Variants in CTNNBL1 observed in about 807,000 individuals in gnomAD.
The protein encoded by CTNNBL1 is catenin beta like 1.
CTNNBL1 carries 31 observed loss-of-function variants against 72.7 expected under a neutral mutation model. That is an observed-to-expected ratio of 0.43 (90% CI 0.32 to 0.58). The LOEUF (loss-of-function observed/expected upper bound fraction) is 0.58. Among genes scored for constraint, CTNNBL1 ranks in the 20% least tolerant of loss-of-function variants. The probability of loss-of-function intolerance (pLI) is 0.08; values close to 1 mark genes in which losing one functional copy is unlikely to be tolerated. For synonymous variants in CTNNBL1, 240 were observed against 267.3 expected, an observed-to-expected ratio of 0.90 and a Z score of 1.00; for missense variants, 534 against 725.1, an observed-to-expected ratio of 0.74 and a Z score of 3.03.
At chr20:37,771,254 T>C (rs186669628) in intron 7 of CTNNBL1, among the ~76,000 whole-genome samples, 121 of 152,360 alleles carry the variant, frequency 7.9e-4, no homozygotes, top group African/African-American at 2.7e-3. Flanking sequence ...ATTCCCACAC[T>C]GTACCCTAGA....
chr20:37,712,475 AGT>A (rs1435516994), intron 1 of CTNNBL1, among the ~76,000 whole-genome samples: 1 of 152,208 alleles, frequency 6.6e-6, no homozygotes. Flanking sequence ...TTTACATTAC[AGT>A]GGGTAATTAA....
intron 11 of CTNNBL1, among the ~76,000 whole-genome samples, chr20:37,808,970 A>G (rs770230568): frequency 3.3e-5 from 5 of 152,004 alleles, no homozygotes; most frequent in South Asian, 2.1e-4. Flanking sequence ...CATCAGCCCT[A>G]TGAATTCACC....
At chr20:37,775,006 A>G (rs1334427773) in intron 7 of CTNNBL1, among the ~76,000 whole-genome samples, 1 of 152,034 alleles carries the variant, frequency 6.6e-6, no homozygotes, top group Non-Finnish European at 1.5e-5. Context: ...TTCTTGGGTC[A>G]TAGATTCCCA....
chr20:37,699,118 C>T (rs1237425406), intron 1 of CTNNBL1, among the ~76,000 whole-genome samples: 2 of 152,188 alleles, frequency 1.3e-5, no homozygotes, highest in South Asian at 2.1e-4. Context: ...AGATGCTTTA[C>T]TAACCAGCAT....
intron 1 of CTNNBL1, among the ~76,000 whole-genome samples, chr20:37,696,062 A>G (rs1164099598): frequency 6.6e-6 from 1 of 152,366 alleles, no homozygotes; most frequent in East Asian, 1.9e-4. Context: ...TGGAATTTCT[A>G]GAATGGCTAG....
intron 4 of CTNNBL1, chr20:37,751,519 G>A (rs749777117): frequency 6.6e-6 from 1 of 152,232 alleles, no homozygotes; most frequent in Non-Finnish European, 1.5e-5. Flanking sequence ...TGTCAAGTGA[G>A]TTTTGTGAAG....
chr20:37,788,542 T>G (rs1344699200), intron 10 of CTNNBL1, among the ~76,000 whole-genome samples: 1 of 152,166 alleles, frequency 6.6e-6, no homozygotes, highest in Non-Finnish European at 1.5e-5. Flanking sequence ...GGGGCCATAG[T>G]GTGTTGTAAT....
rs6020809 is a variant in CTNNBL1 at position 37,772,524 on chromosome 20, A to G, written c.750+4480A>G. Among the ~76,000 whole-genome samples the G allele has an allele frequency of 9.2e-5, 14 of 152,172 alleles. 1 individual carries two copies. The highest frequency in any genetic ancestry group is 3.4e-4 in the African/African-American group (14 of 41,504). On this transcript the variant is annotated intron_variant, in intron 7 of 15. Coordinates refer to ENST00000361383, the MANE Select transcript of CTNNBL1 (RefSeq NM_030877.5). The stretch of plus-strand genomic sequence containing the variant: ...CCACCACATCCGGCTAATTTTTTGT[A>G]TTTTTAGTAGAGATGGGGTTTCACC...
intron 1 of CTNNBL1, among the ~76,000 whole-genome samples, chr20:37,710,344 T>C (rs757591567): frequency 2.6e-5 from 4 of 152,244 alleles, no homozygotes; most frequent in Admixed American, 6.5e-5. Flanking sequence ...TTTGATATGA[T>C]ATCTAACCTC....
At chr20:37,793,639 T>C (rs1199200085) in intron 10 of CTNNBL1, among the ~76,000 whole-genome samples, 1 of 152,234 alleles carries the variant, frequency 6.6e-6, no homozygotes, top group African/African-American at 2.4e-5. Context: ...CACACACCTG[T>C]GGGGTAAAAC....
intron 7 of CTNNBL1, among the ~76,000 whole-genome samples, chr20:37,774,658 A>C (rs1043572797): frequency 8.5e-5 from 13 of 152,232 alleles, no homozygotes; most frequent in African/African-American, 3.1e-4. Flanking sequence ...CTCAGTAGCA[A>C]GAAACTCAGC....
chr20:37,827,932 T>C (rs1398418262), intron 11 of CTNNBL1, among the ~76,000 whole-genome samples: 2 of 152,128 alleles, frequency 1.3e-5, no homozygotes, highest in Non-Finnish European at 2.9e-5. Context: ...CCCCATGCCA[T>C]GTTCCTTCAT....
intron 15 of CTNNBL1, among the ~76,000 whole-genome samples, chr20:37,860,611 A>T (rs145375118): frequency 1.6e-4 from 24 of 152,350 alleles, no homozygotes; most frequent in Non-Finnish European, 2.5e-4. Flanking sequence ...AAAATTTTTT[A>T]AAAAAGCAAA....
intron 1 of CTNNBL1, among the ~76,000 whole-genome samples, chr20:37,713,058 G>A (rs2072952600): frequency 1.3e-5 from 2 of 152,178 alleles, no homozygotes; most frequent in Admixed American, 6.5e-5. Flanking sequence ...GCTCACTGGG[G>A]ATCCTTACAC....
In CTNNBL1 at chr20:37,729,733, G is replaced by C. The variant is rs929987764; in HGVS notation, c.31-3146G>C. 3.3e-5 allele frequency among the ~76,000 whole-genome samples: 5 copies of C among 152,146 alleles called. No homozygotes were observed. The East Asian group carries it at 9.7e-4, about 29-fold the overall frequency. Reference sequence around the variant, plus strand: ...GGGCTGAAGTTCCTTACCTGCTGAGGAGCTACAGATTTCCAGTTGGAAGCC... The same window carrying C: ...GGGCTGAAGTTCCTTACCTGCTGAGCAGCTACAGATTTCCAGTTGGAAGCC... On this transcript the variant is annotated intron_variant, in intron 1 of 15. Transcript: ENST00000361383.
At chr20:37,802,725 A>C in intron 10 of CTNNBL1, 142 bp from the exon 11 acceptor site, 24 of 598,062 alleles carry the variant, frequency 4.0e-5, no homozygotes, top group Non-Finnish European at 6.0e-5. Context: ...ACCCTATTGT[A>C]GACGTCTTCT....
At chr20:37,835,907 G>C (rs1407854970) in intron 11 of CTNNBL1, among the ~76,000 whole-genome samples, 3 of 152,182 alleles carry the variant, frequency 2.0e-5, no homozygotes. Flanking sequence ...TTTTCCCCCT[G>C]AAAATGTACA....
chr20:37,769,212 C>A (rs1411367006), intron 7 of CTNNBL1, among the ~76,000 whole-genome samples: 1 of 152,210 alleles, frequency 6.6e-6, no homozygotes, highest in Non-Finnish European at 1.5e-5. Flanking sequence ...CTGCTGTATA[C>A]AGACTTTTTA....
Position 37,746,665 on chromosome 20 carries a change from C to T in CTNNBL1, c.466+58C>T, listed in dbSNP as rs778883429. On this transcript the variant is annotated intron_variant, in intron 4 of 15. Transcript: ENST00000361383. Reference sequence around the variant, plus strand: ...CTGACATGGTGGGGAAGTGCTGTTACTCTTTCTCCTGTCTCTCTTTGTAGA... The same window carrying T: ...CTGACATGGTGGGGAAGTGCTGTTATTCTTTCTCCTGTCTCTCTTTGTAGA... 8 of 1,588,922 alleles carry T rather than the reference C, an allele frequency of 5.0e-6. No individual in the cohort carries two copies. In the South Asian group the frequency reaches 6.6e-5, roughly 13 times the overall value.
Sources: allele counts gnomAD v4.1 joint callset (sites outside exome capture counted in the v4.1 genomes callset), GRCh38; gene constraint gnomAD v4.1.1; transcripts MANE v1.5; gene names NCBI Gene and HGNC (gene_info 2026-07-23, HGNC 2026-07-21).